Variants in STAU2 observed in about 807,000 individuals in gnomAD.
STAU2 encodes staufen double-stranded RNA binding protein 2, also known as double-stranded RNA-binding protein Staufen homolog 2.
Under a neutral mutation model 65.9 loss-of-function variants are expected in STAU2, and 20 were observed. The ratio of observed to expected loss-of-function variants is 0.30; its 90% CI spans 0.21 to 0.44. The LOEUF (loss-of-function observed/expected upper bound fraction) is 0.44, where lower values mean the gene tolerates loss of function less well. STAU2 is among the 20% of genes least tolerant of loss of function. The probability of loss-of-function intolerance (pLI) is 1.00; values close to 1 mark genes in which losing one functional copy is unlikely to be tolerated. For missense variants in STAU2, 558 were observed against 683.9 expected (o/e 0.82, Z 2.05); for synonymous variants, 232 against 233.9 (o/e 0.99, Z 0.07).
rs1427508131 is a variant in STAU2 at position 73,692,382 on chromosome 8, G to A, written c.115-3569C>T. ...CGGGCTAATTTTTGTATTTTTAGTAGAGACGGGGTTTCACTATGTTGGCCA... is the reference window on the plus strand; with the variant it reads ...CGGGCTAATTTTTGTATTTTTAGTAAAGACGGGGTTTCACTATGTTGGCCA... On this transcript the variant is annotated intron_variant, in intron 4 of 14. Coordinates refer to ENST00000524300, the MANE Select transcript of STAU2 (RefSeq NM_001164380.2). 1.3e-5 allele frequency among the ~76,000 whole-genome samples: 2 copies of A among 151,992 alleles called. 1 individual carries two copies.
At chr8:73,646,594 C>A (rs1161029024) in intron 6 of STAU2, among the ~76,000 whole-genome samples, 1 of 152,130 alleles carries the variant, frequency 6.6e-6, no homozygotes, top group African/African-American at 2.4e-5. Flanking sequence ...TCAAAATGTA[C>A]ATTTAAATGT....
chr8:73,425,564 A>G (rs1816748213), intron 13 of STAU2, among the ~76,000 whole-genome samples: 1 of 152,172 alleles, frequency 6.6e-6, no homozygotes, highest in Non-Finnish European at 1.5e-5. Flanking sequence ...ACTTTACTAC[A>G]GCAGCTCCAG....
At chr8:73,679,978 ATTTTTTTTT>A (rs1160379353) in intron 5 of STAU2, among the ~76,000 whole-genome samples, 3 of 81,368 alleles carry the variant, frequency 3.7e-5, no homozygotes, top group East Asian at 4.9e-4. Context: ...TAGGGAAGCC[ATTTTTTTTT>A]TTTTTTTTTT....
chr8:73,575,111 C>G lies in STAU2; in HGVS notation c.1222+7659G>C, dbSNP rs73328750. Among the ~76,000 whole-genome samples the G allele has an allele frequency of 2.9e-3, 363 of 125,378 alleles. 3 individuals are homozygous for G. Among genetic ancestry groups the G allele is most frequent in the African/African-American group, 9.5e-3 (309 of 32,682 alleles). The allele number at this position is 125,378 out of a possible 152,430, so 82.3% of individuals were successfully genotyped here. A position where few individuals can be genotyped will look rare whatever the true frequency, so the allele number is the denominator to read the frequency against. On this transcript the variant is annotated intron_variant, in intron 12 of 14. Transcript: ENST00000524300. Reference sequence around the variant, plus strand: ...TTCATGTCATAAAGGCACACAGATGCACACAGTCCTACCAAGTAAAAAAAA... The same window carrying G: ...TTCATGTCATAAAGGCACACAGATGGACACAGTCCTACCAAGTAAAAAAAA...
chr8:73,637,725 A>G (rs1406327914), intron 6 of STAU2, among the ~76,000 whole-genome samples: 1 of 151,884 alleles, frequency 6.6e-6, no homozygotes, highest in Non-Finnish European at 1.5e-5. Flanking sequence ...ACAAAAACAA[A>G]CACAAACACA....
At chr8:73,550,492 T>G in intron 13 of STAU2, 1 of 986,328 alleles carries the variant, frequency 1.0e-6, no homozygotes, top group Non-Finnish European at 1.2e-6. Flanking sequence ...TCTATAAGAA[T>G]GCAGTGTTAC....
At chr8:73,688,870 T>C in intron 4 of STAU2, 57 bp from the exon 5 acceptor site, 2 of 1,578,328 alleles carry the variant, frequency 1.3e-6, no homozygotes, top group South Asian at 1.1e-5. Flanking sequence ...GAAATAAAAT[T>C]GGCTGTCTGA....
At chr8:73,593,880 TACACACAC>T (rs3032945) in intron 11 of STAU2, among the ~76,000 whole-genome samples, 5 of 150,522 alleles carry the variant, frequency 3.3e-5, no homozygotes, top group East Asian at 3.9e-4. Flanking sequence ...GACACACACA[TACACACAC>T]ACACACACAC....
At chr8:73,699,507 A>C (rs997306184) in intron 4 of STAU2, among the ~76,000 whole-genome samples, 21 of 152,126 alleles carry the variant, frequency 1.4e-4, no homozygotes, top group African/African-American at 4.8e-4. Flanking sequence ...ATACAACAGA[A>C]ATTCAAAGGA....
chr8:73,619,950 C>T (rs1275815313), intron 6 of STAU2, among the ~76,000 whole-genome samples: 2 of 152,076 alleles, frequency 1.3e-5, no homozygotes, highest in Admixed American at 6.5e-5. Flanking sequence ...TAAGATAACG[C>T]ATTTTAAATG....
intron 13 of STAU2, among the ~76,000 whole-genome samples, chr8:73,466,992 C>T (rs1819692036): frequency 6.6e-6 from 1 of 152,172 alleles, no homozygotes; most frequent in African/African-American, 2.4e-5. Flanking sequence ...CTCCTTTTCT[C>T]GTTTGTCTTT....
intron 13 of STAU2, among the ~76,000 whole-genome samples, chr8:73,426,700 G>A (rs745319522): frequency 3.3e-5 from 5 of 151,818 alleles, no homozygotes; most frequent in Non-Finnish European, 5.9e-5. Context: ...TTTTTTGTCC[G>A]TTCATCTGTT....
At chr8:73,589,376 G>A (rs1810607440) in intron 11 of STAU2, among the ~76,000 whole-genome samples, 1 of 152,102 alleles carries the variant, frequency 6.6e-6, no homozygotes, top group South Asian at 2.1e-4. Flanking sequence ...CAAAACACAG[G>A]GAAGTCAACA....
intron 13 of STAU2, among the ~76,000 whole-genome samples, chr8:73,462,187 C>A (rs1009567899): frequency 1.3e-5 from 2 of 152,112 alleles, no homozygotes; most frequent in African/African-American, 4.8e-5. Flanking sequence ...TCAAGCAATT[C>A]TCCTGCCTCA....
intron 13 of STAU2, among the ~76,000 whole-genome samples, chr8:73,492,003 T>C (rs1821176311): frequency 6.6e-6 from 1 of 151,922 alleles, no homozygotes. Context: ...TTTTCCTTTA[T>C]GCTGGCCACA....
chr8:73,497,981 T>C (rs764321137), intron 13 of STAU2, among the ~76,000 whole-genome samples: 1 of 151,848 alleles, frequency 6.6e-6, no homozygotes, highest in Non-Finnish European at 1.5e-5. Context: ...ATGATACAAC[T>C]TATGTACACG....
intron 6 of STAU2, among the ~76,000 whole-genome samples, chr8:73,634,682 C>T (rs1563471813): frequency 6.6e-6 from 1 of 152,166 alleles, no homozygotes; most frequent in Non-Finnish European, 1.5e-5. Context: ...TCTTCTCTAG[C>T]CACACTAGTC....
chr8:73,528,013 T>C (rs373588517), intron 13 of STAU2, among the ~76,000 whole-genome samples: 344 of 152,348 alleles, frequency 2.3e-3, no homozygotes, highest in South Asian at 0.019. Flanking sequence ...GGAAATGCTA[T>C]GCAAAGTGCT....
chr8:73,465,178 C>A (rs1387075332), intron 13 of STAU2, among the ~76,000 whole-genome samples: 2 of 152,130 alleles, frequency 1.3e-5, no homozygotes, highest in African/African-American at 2.4e-5. Flanking sequence ...CTGAGCTGGG[C>A]CCCTCAATTT....
Sources: gnomAD v4.1 joint callset for allele counts (sites outside exome capture counted in the v4.1 genomes callset) on GRCh38, gnomAD v4.1.1 for gene constraint, MANE v1.5 for transcripts, NCBI Gene and HGNC (gene_info 2026-07-23, HGNC 2026-07-21) for gene names.